Variants in ELF3 observed in about 807,000 individuals in gnomAD.
ELF3 encodes E74 like ETS transcription factor 3.
ELF3 carries 18 observed loss-of-function variants against 43.9 expected under a neutral mutation model. That is an observed-to-expected ratio of 0.41 (90% CI 0.28 to 0.61). The LOEUF (loss-of-function observed/expected upper bound fraction) is 0.61, where lower values mean the gene tolerates loss of function less well. Among genes scored for constraint, ELF3 ranks in the 20% least tolerant of loss-of-function variants. The probability of loss-of-function intolerance (pLI) is 0.30; values close to 1 mark genes in which losing one functional copy is unlikely to be tolerated. For missense variants in ELF3, 373 were observed against 487.7 expected (o/e 0.76, Z 2.21); for synonymous variants, 181 against 190.2 (o/e 0.95, Z 0.40).
At chr1:202,011,091 C>T (rs1329083622) in intron 1 of ELF3, 38 bp from the exon 2 acceptor site, 2 of 1,609,138 alleles carry the variant, frequency 1.2e-6, no homozygotes, top group African/African-American at 2.7e-5. Context: ...GGACCCTCGT[C>T]CCCTCACCAA....
In ELF3 at chr1:202,011,938, C is replaced by G. The variant is rs755133562; in HGVS notation, c.164-19C>G. On this transcript the variant is annotated intron_variant, in intron 2 of 8. Coordinates refer to ENST00000367284, the MANE Select transcript of ELF3 (RefSeq NM_004433.5). ...TGGGTGGCCTGAGCTGAGCCTGTTT[C>G]CCTGCCTGGCCCTTGCAGAGAAGGC... The G allele has an allele frequency of 6.2e-7, 1 of 1,610,318 alleles. No homozygotes were observed. Among genetic ancestry groups the G allele is most frequent in the South Asian group, 1.1e-5 (1 of 90,980 alleles).
At chr1:202,011,486 C>T in intron 2 of ELF3, 187 bp downstream of exon 2, 5 of 686,590 alleles carry the variant, frequency 7.3e-6, no homozygotes, top group Non-Finnish European at 1.1e-5. Context: ...GTGTCAGATA[C>T]CAGGACAAGG....
rs1346325187 is a variant in ELF3, at chr1:202,015,770, C to T, written c.*447C>T. 1 of 183,966 alleles carries T rather than the reference C, an allele frequency of 5.4e-6. No homozygotes were observed. Among genetic ancestry groups the T allele is most frequent in the African/African-American group, 2.3e-5 (1 of 43,316 alleles). 11.4% of individuals were successfully genotyped at this position (183,966 alleles called of 1,614,324 possible). On this transcript the variant is annotated 3_prime_UTR_variant, in exon 9 of 9. Transcript: ENST00000367284. ...ACCTCCCTGCTCAGTGCTTGGGCTC[C>T]ACGGGCAGGGGTCAGAGCACTCCCT...
At chr1:202,011,587 G>A (rs943638472) in intron 2 of ELF3, 3 of 478,950 alleles carry the variant, frequency 6.3e-6, no homozygotes, top group Non-Finnish European at 1.1e-5. Context: ...ATGGGGCTGT[G>A]TGGGCTGGGA....
rs1481737741 is a variant in ELF3, at chr1:202,012,328, C to T, written c.386-16C>T. On this transcript the variant is annotated splice_polypyrimidine_tract_variant and intron_variant, in intron 3 of 8. Coordinates refer to ENST00000367284, the MANE Select transcript of ELF3 (RefSeq NM_004433.5). This position sits in a 1 kb window ranked among gnomAD's most constrained non-coding sequence, Gnocchi z 4.2. The stretch of plus-strand genomic sequence containing the variant: ...AGGGATTAGGGGAGTGTGACCCTTC[C>T]TTCCTTCCTTGTCAGCTTCCAGCTC... 8 of 1,613,768 alleles carry T rather than the reference C, an allele frequency of 5.0e-6. No individual in the cohort carries two copies. The highest frequency in any genetic ancestry group is 6.8e-6 in the Non-Finnish European group (8 of 1,179,846).
In ELF3 at chr1:202,016,442, G is replaced by T. The variant is rs1397282578; in HGVS notation, c.*1119G>T. 2 of 151,052 alleles carry T rather than the reference G, an allele frequency of 1.3e-5. No homozygotes were observed. Among genetic ancestry groups the T allele is most frequent in the African/African-American group, 4.9e-5 (2 of 41,044 alleles). The allele number at this position is 151,052 out of a possible 1,614,324, so 9.4% of individuals were successfully genotyped here. ...ATAGATGGTTTTGCATTCCAGCCAAGTGTGCTGTAAACTGTATATCTGTAA... is the reference window on the plus strand; with the variant it reads ...ATAGATGGTTTTGCATTCCAGCCAATTGTGCTGTAAACTGTATATCTGTAA... On this transcript the variant is annotated 3_prime_UTR_variant, in exon 9 of 9. Coordinates refer to ENST00000367284, the MANE Select transcript of ELF3 (RefSeq NM_004433.5).
chr1:202,013,402 C>G lies in ELF3; in HGVS notation c.805+104C>G, dbSNP rs1005507741. The G allele has an allele frequency of 8.5e-7, 1 of 1,181,848 alleles. No individual in the cohort carries two copies. Among genetic ancestry groups the G allele is most frequent in the Non-Finnish European group, 1.2e-6 (1 of 815,844 alleles). The allele number at this position is 1,181,848 out of a possible 1,614,324, so 73.2% of individuals were successfully genotyped here. A position where few individuals can be genotyped will look rare whatever the true frequency, so the allele number is the denominator to read the frequency against. ...CCCTTCTCCCGTTTTCTCTGGCCTC[C>G]GCATGGCCTTTGGTAAGGCTGTGCA... On this transcript the variant is annotated intron_variant, in intron 7 of 8. Coordinates refer to ENST00000367284, the MANE Select transcript of ELF3 (RefSeq NM_004433.5). This position sits in a 1 kb window ranked among gnomAD's most constrained non-coding sequence, Gnocchi z 5.7.
chr1:202,011,596 G>C (rs1370010028), intron 2 of ELF3: 3 of 475,268 alleles, frequency 6.3e-6, no homozygotes, highest in Non-Finnish European at 1.1e-5. Context: ...TGTGGGCTGG[G>C]AGTGGTGGCT....
At position 202,013,127 on chromosome 1, in the gene ELF3, A is replaced by G. The variant is rs1229068017; in HGVS notation, c.689-55A>G. Reference sequence around the variant, plus strand: ...TGCAGCCTTTTCCTGTAGAGGGGCTACTCTCCCTAACTCCCCTCTTGCCCC... The same window carrying G: ...TGCAGCCTTTTCCTGTAGAGGGGCTGCTCTCCCTAACTCCCCTCTTGCCCC... On this transcript the variant is annotated intron_variant, in intron 6 of 8. Transcript: ENST00000367284. The surrounding 1 kb of genome is among the most constrained non-coding windows in gnomAD (Gnocchi z 5.7). The G allele has an allele frequency of 9.3e-6, 15 of 1,604,868 alleles. No individual in the cohort carries two copies. The highest frequency in any genetic ancestry group is 1.7e-4 in the Middle Eastern group (1 of 6,044).
At position 202,012,464 on chromosome 1, in the gene ELF3, C is replaced by G. The variant is rs759548761; in HGVS notation, c.478+28C>G. On this transcript the variant is annotated intron_variant, in intron 4 of 8. Coordinates refer to ENST00000367284, the MANE Select transcript of ELF3 (RefSeq NM_004433.5). This position sits in a 1 kb window ranked among gnomAD's most constrained non-coding sequence, Gnocchi z 4.2. Reference sequence around the variant, plus strand: ...GAGAACCCGTTTTCTCCTTCCTTCCCCAGCCTGTCTTGTCCCATCCCTGCC... The same window carrying G: ...GAGAACCCGTTTTCTCCTTCCTTCCGCAGCCTGTCTTGTCCCATCCCTGCC... The G allele has an allele frequency of 6.2e-7, 1 of 1,611,550 alleles. No homozygotes were observed. Among genetic ancestry groups the G allele is most frequent in the Non-Finnish European group, 8.5e-7 (1 of 1,178,654 alleles).
chr1:202,014,370 C>T (rs1684272730), intron 8 of ELF3, among the ~76,000 whole-genome samples: 1 of 152,252 alleles, frequency 6.6e-6, no homozygotes, highest in East Asian at 1.9e-4. Context: ...TTGTTTTTCT[C>T]TGGGCCTCAG....
Position 202,013,909 on chromosome 1 carries a change from G to T in ELF3, c.886G>T (p.Glu296Ter). 6.2e-7 allele frequency: 1 copy of T among 1,614,146 alleles called. No homozygotes were observed. Among genetic ancestry groups the T allele is most frequent in the Non-Finnish European group, 8.5e-7 (1 of 1,180,006 alleles). Residue 296 changes from glutamate to a stop codon, truncating the protein, a stop_gained, in exon 8 of 9, where the codon GAG becomes TAG. Coordinates refer to ENST00000367284, the MANE Select transcript of ELF3 (RefSeq NM_004433.5). LOFTEE classifies it high-confidence loss of function. The surrounding 1 kb of genome is among the most constrained non-coding windows in gnomAD (Gnocchi z 5.7). ...GCTCAACGAGGGCCTCATGAAGTGG[G>T]AGAATCGGCATGAAGGCGTCTTCAA... ...PELNEGLMKW[E>*]NRHEGVFKFL...
rs559516859 is a variant in ELF3 at position 202,011,678 on chromosome 1, C to T, written c.164-279C>T. 2.0e-5 allele frequency: 10 copies of T among 491,432 alleles called. No individual in the cohort carries two copies. The South Asian group carries it at 2.4e-4, about 12-fold the overall frequency. 30.4% of individuals were successfully genotyped at this position (491,432 alleles called of 1,614,324 possible). On this transcript the variant is annotated intron_variant, in intron 2 of 8. Coordinates refer to ENST00000367284, the MANE Select transcript of ELF3 (RefSeq NM_004433.5). ...CCTGAGGTCAAGAGTTCGAGACCAG[C>T]CTAGCCAACATGGTGAAACCCCGTC...
chr1:202,013,842 C>T lies in ELF3; in HGVS notation c.819C>T (p.Thr273=). The change falls in exon 8 of 9, where the codon ACC becomes ACT. Residue 273 remains threonine (T), a synonymous_variant. Transcript: ENST00000367284. The surrounding 1 kb of genome is among the most constrained non-coding windows in gnomAD (Gnocchi z 5.7). ...GKKSKHAPRG[T]HLWEFIRDIL... ...CTGGCCTTGCAGCGCCCAGAGGCAC[C>T]CACCTGTGGGAGTTCATCCGGGACA... The T allele has an allele frequency of 6.2e-7, 1 of 1,611,676 alleles. No homozygotes were observed. The highest frequency in any genetic ancestry group is 8.5e-7 in the Non-Finnish European group (1 of 1,178,174).
At position 202,012,168 on chromosome 1, in the gene ELF3, G is replaced by T. The variant is rs1193311472; in HGVS notation, c.375G>T (p.Leu125=). Residue 125 remains leucine, a synonymous_variant, in exon 3 of 9, where the codon CTG becomes CTT. Transcript: ENST00000367284. The surrounding 1 kb of genome is among the most constrained non-coding windows in gnomAD (Gnocchi z 4.2). ...GPLGDQLHAQ[L]RDLTSSSSDE... ...TGGGGGACCAACTCCATGCCCAGCT[G>T]CGAGACCTCAGTGAGTCCAGGCCCC... The T allele has an allele frequency of 1.9e-6, 3 of 1,613,326 alleles. No individual in the cohort carries two copies. Among genetic ancestry groups the T allele is most frequent in the Non-Finnish European group, 2.5e-6 (3 of 1,179,958 alleles).
chr1:202,012,866 G>A lies in ELF3; in HGVS notation c.599-81G>A. 6.4e-7 allele frequency: 1 copy of A among 1,557,802 alleles called. No individual in the cohort carries two copies. Among genetic ancestry groups the A allele is most frequent in the Non-Finnish European group, 8.7e-7 (1 of 1,153,192 alleles). On this transcript the variant is annotated intron_variant, in intron 5 of 8. Transcript: ENST00000367284. The surrounding 1 kb of genome is among the most constrained non-coding windows in gnomAD (Gnocchi z 4.2). ...CTTCTGGCAGGAACAGGAACAGGCT[G>A]GGAAGTGTGTCCTGAGAGCCAGCAG...
In ELF3 at chr1:202,015,322, G is replaced by A; in HGVS notation, c.1115G>A (p.Ter372=). Residue 372 remains the stop codon, a stop_retained_variant, in exon 9 of 9, where the codon TGA becomes TAA. Transcript: ENST00000367284. ...GAAGAGGTTCTCCAGAGTCGGAACT[G>A]AGGGTTGGAACTATACCCGGGACCA... ...KEEEVLQSRN[*] The A allele has an allele frequency of 1.9e-6, 3 of 1,614,034 alleles. No homozygotes were observed. The highest frequency in any genetic ancestry group is 1.7e-6 in the Non-Finnish European group (2 of 1,179,992).
chr1:202,014,535 C>T (rs1684275264), intron 8 of ELF3, among the ~76,000 whole-genome samples: 1 of 152,232 alleles, frequency 6.6e-6, no homozygotes, highest in Admixed American at 6.5e-5. Flanking sequence ...TCAAATGACT[C>T]TCCTGCCTCG....
In ELF3 at chr1:202,016,638, T is replaced by C. The variant is rs1014864773; in HGVS notation, c.*1315T>C. ...TCTCTTTTTTTTTTAATTGCAACTT[T>C]TACTTTAGATTTAGGAGGTCGTGCG... On this transcript the variant is annotated 3_prime_UTR_variant, in exon 9 of 9. Coordinates refer to ENST00000367284, the MANE Select transcript of ELF3 (RefSeq NM_004433.5). 1 of 151,790 alleles carries C rather than the reference T, an allele frequency of 6.6e-6. No homozygotes were observed. Among genetic ancestry groups the C allele is most frequent in the African/African-American group, 2.4e-5 (1 of 41,406 alleles). 9.4% of individuals were successfully genotyped at this position (151,790 alleles called of 1,614,324 possible).
Sources: gnomAD v4.1 joint callset for allele counts (sites outside exome capture counted in the v4.1 genomes callset) on GRCh38, gnomAD v4.1.1 for gene constraint, Gnocchi (gnomAD v3.1) non-coding constraint, MANE v1.5 for transcripts, NCBI Gene and HGNC (gene_info 2026-07-23, HGNC 2026-07-21) for gene names.